Variants in CEACAM21 observed in about 807,000 individuals in gnomAD.
CEACAM21 encodes CEA cell adhesion molecule 21.
CEACAM21 carries 38 observed loss-of-function variants against 33.2 expected under a neutral mutation model. The observed-to-expected ratio is 1.14, with a 90% CI of 0.88 to 1.50. The LOEUF is 1.50. CEACAM21 is among the 40% of genes most tolerant of loss of function. CEACAM21 has a pLI of 0.00. For synonymous variants in CEACAM21, 156 were observed against 143.0 expected (o/e 1.09, Z -0.65); for missense variants, 385 against 364.6 (o/e 1.06, Z -0.46).
chr19:41,559,984 T>G (rs1310201384), intron 1 of CEACAM21, among the ~76,000 whole-genome samples: 1 of 151,940 alleles, frequency 6.6e-6, no homozygotes, highest in African/African-American at 2.4e-5. Flanking sequence ...ACAGAGAGAC[T>G]TCCTCTCAAA....
rs2043193731 is a variant in CEACAM21 at position 41,579,392 on chromosome 19, C to T, written c.464C>T (p.Thr155Ile). The T allele has an allele frequency of 1.2e-6, 2 of 1,613,876 alleles. No homozygotes were observed. Among genetic ancestry groups the T allele is most frequent in the South Asian group, 1.1e-5 (1 of 91,086 alleles). The stretch of plus-strand genomic sequence containing the variant: ...CCCTCCATCCAAGCCAGCAGCACCA[C>T]AGTCACAGAGAAGGGCTCCGTGGTC... ...AQPSIQASST[T>I]VTEKGSVVLT... The change falls in exon 3 of 7, where the codon ACA becomes ATA. Residue 155 changes from threonine (T) to isoleucine (I), a missense_variant. By Grantham distance (89) the Thr-to-Ile change is moderately conservative. Coordinates refer to ENST00000401445, the MANE Select transcript of CEACAM21 (RefSeq NM_001098506.4).
upstream of CEACAM21, among the ~76,000 whole-genome samples, chr19:41,575,915 C>A (rs149682233): frequency 1.3e-5 from 2 of 152,280 alleles, no homozygotes; most frequent in Admixed American, 1.3e-4. Context: ...AATAATCTAC[C>A]GGCTGTGACA....
chr19:41,551,334 T>C (rs548649327), intron 1 of CEACAM21: 1 of 152,268 alleles, frequency 6.6e-6, no homozygotes, highest in East Asian at 1.9e-4. Flanking sequence ...GAACTTTGTA[T>C]TTTTAGTAGA....
At chr19:41,574,351 T>C (rs2042794924), upstream of CEACAM21, among the ~76,000 whole-genome samples, 1 of 152,094 alleles carries the variant, frequency 6.6e-6, no homozygotes, top group Non-Finnish European at 1.5e-5. Context: ...ATAAGTGAAC[T>C]TCATCAAAGT....
chr19:41,581,920 C>T (rs1222489652), intron 3 of CEACAM21, among the ~76,000 whole-genome samples: 1 of 152,212 alleles, frequency 6.6e-6, no homozygotes, highest in Non-Finnish European at 1.5e-5. Flanking sequence ...CAAAACTAAT[C>T]ATGCCTTCCA....
intron 6 of CEACAM21, chr19:41,586,205 G>A (rs2070725175): frequency 1.1e-5 from 6 of 561,468 alleles, no homozygotes; most frequent in Non-Finnish European, 1.9e-5. Flanking sequence ...GGTGAGTGGG[G>A]GCCACAGATA....
rs150084253 is a variant in CEACAM21 at position 41,565,330 on chromosome 19, T to C, written c.-404+274T>C. Among the ~76,000 whole-genome samples, 7 of 152,220 alleles carry C rather than the reference T, an allele frequency of 4.6e-5. No homozygotes were observed. The South Asian group carries it at 8.3e-4, about 18-fold the overall frequency. On this transcript the variant is annotated intron_variant, in intron 2 of 7. Transcript: ENST00000407170. ...AGGAGTGAAGGTGTCCTGGCCTGCC[T>C]TGGGGAAGGGGCGGGGGCGGGTGCC...
At chr19:41,586,201 T>C in intron 6 of CEACAM21, 1 of 565,030 alleles carries the variant, frequency 1.8e-6, no homozygotes, top group Admixed American at 3.0e-5. Flanking sequence ...ATGAGGTGAG[T>C]GGGGGCCACA....
chr19:41,559,877 G>A lies in CEACAM21; in HGVS notation c.-778-4805G>A, dbSNP rs551386598. Reference sequence around the variant, plus strand: ...TAGTCCTAGCTACTGGGAAGGCTGAGGCGGGAGGATCTATTGAGATCGGAA... The same window carrying A: ...TAGTCCTAGCTACTGGGAAGGCTGAAGCGGGAGGATCTATTGAGATCGGAA... On this transcript the variant is annotated intron_variant, in intron 1 of 7. Transcript: ENST00000407170. 3.3e-5 allele frequency among the ~76,000 whole-genome samples: 5 copies of A among 152,358 alleles called. No homozygotes were observed. The South Asian group carries it at 1.0e-3, about 32-fold the overall frequency.
chr19:41,561,932 T>C (rs578018384), intron 1 of CEACAM21, among the ~76,000 whole-genome samples: 126 of 152,314 alleles, frequency 8.3e-4, no homozygotes, highest in African/African-American at 2.6e-3. Context: ...TTCTATTATA[T>C]TAAAAGTAAC....
At chr19:41,573,650 G>T (rs562032189), upstream of CEACAM21, among the ~76,000 whole-genome samples, 27 of 152,312 alleles carry the variant, frequency 1.8e-4, no homozygotes, top group African/African-American at 6.5e-4. Flanking sequence ...AAAATCTTCT[G>T]TGCCCATGAT....
chr19:41,556,699 G>A (rs1226079995), intron 1 of CEACAM21, among the ~76,000 whole-genome samples: 1 of 152,218 alleles, frequency 6.6e-6, no homozygotes, highest in African/African-American at 2.4e-5. Context: ...TTGAACCCAG[G>A]CCATGGTGGC....
chr19:41,560,061 G>T (rs1307731366), intron 1 of CEACAM21, among the ~76,000 whole-genome samples: 2 of 151,818 alleles, frequency 1.3e-5, no homozygotes, highest in East Asian at 3.9e-4. Flanking sequence ...AAACTGAATT[G>T]GTATTTTTCA....
At chr19:41,572,005 C>T (rs537327696), upstream of CEACAM21, among the ~76,000 whole-genome samples, 1 of 150,046 alleles carries the variant, frequency 6.7e-6, no homozygotes, top group Non-Finnish European at 1.5e-5. Flanking sequence ...AAAAGTGATT[C>T]TCTACTCTAT....
Position 41,586,655 on chromosome 19 carries a change from G to A in CEACAM21, c.*192G>A. 1 of 498,146 alleles carries A rather than the reference G, an allele frequency of 2.0e-6. No homozygotes were observed. 30.9% of individuals were successfully genotyped at this position (498,146 alleles called of 1,614,324 possible). A position where few individuals can be genotyped will look rare whatever the true frequency, so the allele number is the denominator to read the frequency against. The stretch of plus-strand genomic sequence containing the variant: ...TGAGTCCTGAGGAGACACAGGCCTG[G>A]GGACAGGAAGGGATGGGGGTCCCTG... On this transcript the variant is annotated 3_prime_UTR_variant, in exon 7 of 7. Transcript: ENST00000401445.
In CEACAM21 at chr19:41,579,520, G is replaced by A. The variant is rs2302188; in HGVS notation, c.592G>A (p.Val198Met). The change falls in exon 3 of 7, where the codon GTG becomes ATG. Residue 198 changes from valine to methionine, a missense_variant. Coordinates refer to ENST00000401445, the MANE Select transcript of CEACAM21 (RefSeq NM_001098506.4). ...GATGAAGCTGTCCTGGTTTAACCAT[G>A]TGCTCACCATAGACCCCATCAGGCA... Reference protein sequence around the residue: ...KRMKLSWFNHVLTIDPIRQED... With the variant: ...KRMKLSWFNHMLTIDPIRQED... The A allele has an allele frequency of 0.27, 442,384 of 1,612,658 alleles. 65,864 individuals are homozygous for A. Among genetic ancestry groups the A allele is most frequent in the African/African-American group, 0.58 (43,099 of 74,814 alleles).
At chr19:41,573,804 G>A (rs984131405), upstream of CEACAM21, among the ~76,000 whole-genome samples, 6 of 152,040 alleles carry the variant, frequency 3.9e-5, no homozygotes, top group Non-Finnish European at 8.8e-5. Flanking sequence ...GTCCTAAAAA[G>A]GTCTCCAGAC....
chr19:41,576,564 A>C (rs1032984923), intron 1 of CEACAM21, among the ~76,000 whole-genome samples: 1 of 152,258 alleles, frequency 6.6e-6, no homozygotes, highest in African/African-American at 2.4e-5. Context: ...TGGCCACTAC[A>C]CTTTGAAAAT....
chr19:41,582,281 G>T (rs782113127), intron 3 of CEACAM21, among the ~76,000 whole-genome samples: 2 of 152,230 alleles, frequency 1.3e-5, no homozygotes, highest in African/African-American at 2.4e-5. Flanking sequence ...CTGTGGCTTT[G>T]CAGGGTACAG....
Sources: allele counts gnomAD v4.1 joint callset (sites outside exome capture counted in the v4.1 genomes callset), GRCh38; gene constraint gnomAD v4.1.1; transcripts MANE v1.5; gene names NCBI Gene and HGNC (gene_info 2026-07-23, HGNC 2026-07-21).